WWOX: variants seen among roughly 807,000 people sequenced by gnomAD.
WWOX encodes the protein WW domain-containing oxidoreductase.
Under a neutral mutation model 46.2 loss-of-function variants are expected in WWOX, and 69 were observed. That is an observed-to-expected ratio of 1.49 (90% CI 1.23 to 1.82). WWOX has a LOEUF of 1.82. WWOX is among the 40% of genes most tolerant of loss of function. The pLI is 0.00. For missense variants in WWOX, 919 were observed against 542.6 expected, an observed-to-expected ratio of 1.69 and a Z score of -6.89; for synonymous variants, 359 against 202.6, an observed-to-expected ratio of 1.77 and a Z score of -6.56.
chr16:78,394,785 G>A (rs573137549), intron 6 of WWOX, among the ~76,000 whole-genome samples: 2 of 152,320 alleles, frequency 1.3e-5, no homozygotes, highest in South Asian at 4.1e-4. Context: ...CAGACAATGG[G>A]CCAGATTGGC....
intron 6 of WWOX, among the ~76,000 whole-genome samples, chr16:78,413,493 A>G (rs2082728391): frequency 6.6e-6 from 1 of 152,172 alleles, no homozygotes; most frequent in Non-Finnish European, 1.5e-5. Flanking sequence ...AAGGGTGGGG[A>G]GAATTACAAA....
At chr16:78,195,892 A>G (rs536329802) in intron 5 of WWOX, among the ~76,000 whole-genome samples, 1 of 152,144 alleles carries the variant, frequency 6.6e-6, no homozygotes, top group Non-Finnish European at 1.5e-5. Flanking sequence ...AAAAGATTGA[A>G]TTCCGTTCCA....
chr16:78,622,108 C>A (rs954816888), intron 8 of WWOX, among the ~76,000 whole-genome samples: 1 of 152,140 alleles, frequency 6.6e-6, no homozygotes, highest in Non-Finnish European at 1.5e-5. Context: ...ACCTGGGCAG[C>A]AGATAATTTT....
At chr16:79,124,512 A>G (rs555776030) in intron 8 of WWOX, among the ~76,000 whole-genome samples, 14 of 152,290 alleles carry the variant, frequency 9.2e-5, no homozygotes, top group Admixed American at 7.2e-4. Context: ...CTGTCACGTT[A>G]GGACTGAGTT....
intron 5 of WWOX, among the ~76,000 whole-genome samples, chr16:78,229,510 A>T (rs576805239): frequency 8.4e-6 from 1 of 118,706 alleles, no homozygotes; most frequent in East Asian, 3.0e-4. Flanking sequence ...CTATATCTAT[A>T]TAGAGATATA....
At chr16:78,124,795 C>G (rs566025386) in intron 4 of WWOX, among the ~76,000 whole-genome samples, 1 of 152,236 alleles carries the variant, frequency 6.6e-6, no homozygotes, top group South Asian at 2.1e-4. Context: ...TTTTTGGAGC[C>G]TTCATGTTAG....
chr16:79,020,386 A>G (rs542352880), intron 8 of WWOX, among the ~76,000 whole-genome samples: 5 of 152,282 alleles, frequency 3.3e-5, no homozygotes, highest in South Asian at 2.1e-4. Flanking sequence ...GCCACTTGCT[A>G]TAATAGCTGT....
At chr16:78,363,792 G>A (rs1040076970) in intron 5 of WWOX, among the ~76,000 whole-genome samples, 5 of 152,214 alleles carry the variant, frequency 3.3e-5, no homozygotes, top group African/African-American at 9.6e-5. Context: ...CCAGCTTACA[G>A]CGGAGACAGT....
intron 8 of WWOX, among the ~76,000 whole-genome samples, chr16:78,457,409 T>A (rs577807604): frequency 6.6e-6 from 1 of 152,330 alleles, no homozygotes; most frequent in East Asian, 1.9e-4. Context: ...CAACCAGGTA[T>A]TGCTTCGTGT....
chr16:78,180,189 A>G (rs1482845960), intron 5 of WWOX, among the ~76,000 whole-genome samples: 2 of 152,212 alleles, frequency 1.3e-5, no homozygotes, highest in Non-Finnish European at 2.9e-5. Flanking sequence ...AAAATGACCC[A>G]TCCTGATTTG....
intron 8 of WWOX, among the ~76,000 whole-genome samples, chr16:78,798,918 G>A (rs1405157034): frequency 6.6e-6 from 1 of 152,148 alleles, no homozygotes; most frequent in East Asian, 1.9e-4. Flanking sequence ...GACACCACTT[G>A]CTGCCAGTGG....
At position 79,075,011 on chromosome 16, in the gene WWOX, C is replaced by T. The variant is rs534345810; in HGVS notation, c.1057-136597C>T. Among the ~76,000 whole-genome samples the T allele has an allele frequency of 5.9e-5, 9 of 152,318 alleles. No homozygotes were observed. The South Asian group carries it at 1.9e-3, about 32-fold the overall frequency. The stretch of plus-strand genomic sequence containing the variant: ...ACACATTCGACTATTCCCTACTCCT[C>T]AGTGACCCCAAAGACCCCAGAGAAA... On this transcript the variant is annotated intron_variant, in intron 8 of 8. Transcript: ENST00000566780.
At chr16:78,374,187 C>G (rs932627070) in intron 5 of WWOX, among the ~76,000 whole-genome samples, 1 of 152,178 alleles carries the variant, frequency 6.6e-6, no homozygotes, top group Non-Finnish European at 1.5e-5. Flanking sequence ...TGATTCTTTC[C>G]TCCCTTTCTT....
intron 8 of WWOX, among the ~76,000 whole-genome samples, chr16:78,869,540 G>C (rs2044080962): frequency 6.6e-6 from 1 of 152,212 alleles, no homozygotes; most frequent in Non-Finnish European, 1.5e-5. Context: ...CATGACCCAA[G>C]TCTGGTCAAT....
intron 8 of WWOX, among the ~76,000 whole-genome samples, chr16:78,522,955 C>T (rs1316124259): frequency 6.6e-6 from 1 of 152,126 alleles, no homozygotes; most frequent in Non-Finnish European, 1.5e-5. Flanking sequence ...GCCTGTAATC[C>T]CAGCTACCTG....
chr16:78,456,421 ACAAAG>A (rs10598606), intron 8 of WWOX, among the ~76,000 whole-genome samples: 13,631 of 152,182 alleles, frequency 0.09, 1,548 homozygotes, highest in African/African-American at 0.26. Flanking sequence ...GTGTGCATAA[ACAAAG>A]CAATAGAAAA....
chr16:79,046,694 G>A (rs1303967417), intron 8 of WWOX, among the ~76,000 whole-genome samples: 4 of 152,132 alleles, frequency 2.6e-5, no homozygotes, highest in South Asian at 2.1e-4. Context: ...ATTTTGAACC[G>A]ACTCTGGTAG....
intron 8 of WWOX, among the ~76,000 whole-genome samples, chr16:79,154,272 C>T (rs556553659): frequency 6.6e-5 from 10 of 152,210 alleles, no homozygotes; most frequent in East Asian, 1.9e-4. Flanking sequence ...GTGAGGTCAC[C>T]GTGGGAATGG....
At chr16:78,291,646 T>C (rs899941792) in intron 5 of WWOX, among the ~76,000 whole-genome samples, 4 of 152,210 alleles carry the variant, frequency 2.6e-5, no homozygotes, top group African/African-American at 9.6e-5. Flanking sequence ...ATCTGTGGGC[T>C]AACGTTTCTT....
Sources: gnomAD v4.1 joint callset for allele counts (sites outside exome capture counted in the v4.1 genomes callset) on GRCh38, gnomAD v4.1.1 for gene constraint, MANE v1.5 for transcripts, NCBI Gene and HGNC (gene_info 2026-07-23, HGNC 2026-07-21) for gene names.